The following APPL2 variants were observed in gnomAD, a reference collection of about 807,000 sequenced individuals.
APPL2 encodes adaptor protein, phosphotyrosine interacting with PH domain and leucine zipper 2.
APPL2 carries 84 observed loss-of-function variants against 92.7 expected under a neutral mutation model. The ratio of observed to expected loss-of-function variants is 0.91; its 90% CI spans 0.76 to 1.09. The LOEUF (loss-of-function observed/expected upper bound fraction) is 1.09. Among genes scored for constraint, APPL2 ranks in the 50% least tolerant of loss-of-function variants. The pLI is 0.00. For missense variants in APPL2, 736 were observed against 824.5 expected (o/e 0.89, Z 1.31); for synonymous variants, 291 against 291.0 (o/e 1.00, Z 0.00).
chr12:105,176,215 G>A (rs1351210112), intron 19 of APPL2, 133 bp from the exon 20 acceptor site: 6 of 747,908 alleles, frequency 8.0e-6, no homozygotes, highest in Non-Finnish European at 1.3e-5. Flanking sequence ...CTGGCTGCAG[G>A]AGACTCATCA....
At chr12:105,214,719 G>C (rs959027489) in intron 4 of APPL2, among the ~76,000 whole-genome samples, 2 of 151,932 alleles carry the variant, frequency 1.3e-5, no homozygotes, top group African/African-American at 2.4e-5. Context: ...GGAATTTCCT[G>C]GATGATGGGA....
chr12:105,198,041 G>A (rs1357555905), intron 10 of APPL2, 88 bp from the exon 11 acceptor site: 8 of 1,313,648 alleles, frequency 6.1e-6, no homozygotes, highest in Non-Finnish European at 8.4e-6. Context: ...GGGTACTGGT[G>A]GCATTTTAGA....
chr12:105,225,881 T>C (rs1313920965), intron 2 of APPL2, among the ~76,000 whole-genome samples: 1 of 152,246 alleles, frequency 6.6e-6, no homozygotes, highest in Non-Finnish European at 1.5e-5. Flanking sequence ...GCATTCGCAA[T>C]ATCAGCATCC....
chr12:105,230,839 G>A (rs1890869234), intron 1 of APPL2, among the ~76,000 whole-genome samples: 1 of 152,186 alleles, frequency 6.6e-6, no homozygotes, highest in Admixed American at 6.5e-5. Flanking sequence ...ATCCATAGAA[G>A]AGCCACTGTG....
intron 17 of APPL2, among the ~76,000 whole-genome samples, chr12:105,182,661 G>A (rs1886224002): frequency 6.6e-6 from 1 of 152,154 alleles, no homozygotes; most frequent in African/African-American, 2.4e-5. Context: ...TTGTTGAGGA[G>A]TATTTTACTT....
At chr12:105,187,336 G>A (rs1349373582) in intron 17 of APPL2, among the ~76,000 whole-genome samples, 1 of 152,196 alleles carries the variant, frequency 6.6e-6, no homozygotes, top group African/African-American at 2.4e-5. Flanking sequence ...ATGTGCCAGT[G>A]AGTTGTAAAT....
intron 5 of APPL2, among the ~76,000 whole-genome samples, chr12:105,209,416 A>C (rs1889027932): frequency 6.6e-6 from 1 of 152,090 alleles, no homozygotes; most frequent in Non-Finnish European, 1.5e-5. Context: ...AAAAAAAATC[A>C]CCATCCTGGG....
chr12:105,224,571 T>C (rs1007767459), intron 2 of APPL2, among the ~76,000 whole-genome samples: 2 of 152,228 alleles, frequency 1.3e-5, no homozygotes, highest in African/African-American at 2.4e-5. Flanking sequence ...TGTGTGACCT[T>C]AGGCAAGCTA....
intron 4 of APPL2, among the ~76,000 whole-genome samples, chr12:105,211,657 G>A (rs1266167867): frequency 6.6e-6 from 1 of 152,202 alleles, no homozygotes; most frequent in African/African-American, 2.4e-5. Flanking sequence ...TGTGCCTGCA[G>A]AGAACACAGC....
chr12:105,192,304 GC>G (rs1384798560), intron 14 of APPL2, among the ~76,000 whole-genome samples: 1 of 152,088 alleles, frequency 6.6e-6, no homozygotes, highest in African/African-American at 2.4e-5. Flanking sequence ...CTCCTCACTG[GC>G]TACAGACTTG....
intron 4 of APPL2, among the ~76,000 whole-genome samples, chr12:105,216,085 C>T (rs1889664809): frequency 6.6e-6 from 1 of 152,134 alleles, no homozygotes; most frequent in African/African-American, 2.4e-5. Flanking sequence ...GAGTTCTGTC[C>T]AGCACTAGTA....
chr12:105,194,257 CCA>C (rs746321004), intron 14 of APPL2, among the ~76,000 whole-genome samples: 9 of 152,146 alleles, frequency 5.9e-5, no homozygotes, highest in Non-Finnish European at 1.3e-4. Context: ...ATGGAAACTC[CCA>C]TTAAGACAAA....
At chr12:105,187,488 A>G (rs1402539039) in intron 17 of APPL2, among the ~76,000 whole-genome samples, 2 of 152,214 alleles carry the variant, frequency 1.3e-5, no homozygotes, top group African/African-American at 4.8e-5. Flanking sequence ...TCACATAACT[A>G]AGAAATGCCG....
At chr12:105,224,649 G>T (rs993613439) in intron 2 of APPL2, among the ~76,000 whole-genome samples, 1 of 152,288 alleles carries the variant, frequency 6.6e-6, no homozygotes, top group South Asian at 2.1e-4. Context: ...CCCCTCTGTT[G>T]TGAAAGCTGA....
chr12:105,223,388 C>A (rs1890262338), intron 2 of APPL2, among the ~76,000 whole-genome samples: 1 of 152,104 alleles, frequency 6.6e-6, no homozygotes, highest in Non-Finnish European at 1.5e-5. Context: ...CACAGACTCG[C>A]CAGAGAAGGA....
intron 20 of APPL2, among the ~76,000 whole-genome samples, chr12:105,174,945 A>G (rs943543915): frequency 5.4e-5 from 8 of 147,526 alleles, no homozygotes; most frequent in Non-Finnish European, 1.0e-4. Context: ...GAGCAGTGGT[A>G]TGATCTCAGC....
chr12:105,210,786 T>C (rs1889146419), intron 5 of APPL2, among the ~76,000 whole-genome samples: 1 of 66,900 alleles, frequency 1.5e-5, no homozygotes. Context: ...TATCCCGTCT[T>C]CCCCTTTCTC....
chr12:105,181,188 G>A (rs188171312), intron 17 of APPL2, among the ~76,000 whole-genome samples: 95 of 152,170 alleles, frequency 6.2e-4, no homozygotes, highest in Non-Finnish European at 1.1e-3. Context: ...GAATTTTATC[G>A]AAGGCCTTTT....
intron 4 of APPL2, 62 bp downstream of exon 4, chr12:105,217,007 A>C: frequency 7.8e-7 from 1 of 1,283,196 alleles, no homozygotes; most frequent in South Asian, 1.3e-5. Context: ...AGTGGGCCAA[A>C]ATAACAACAA....
Sources: allele counts gnomAD v4.1 joint callset (sites outside exome capture counted in the v4.1 genomes callset), GRCh38; gene constraint gnomAD v4.1.1; transcripts MANE v1.5; gene names NCBI Gene and HGNC (gene_info 2026-07-23, HGNC 2026-07-21).